COL12A1: variants seen among roughly 807,000 people sequenced by gnomAD.
The protein encoded by COL12A1 is collagen alpha-1(XII) chain.
Under a neutral mutation model 349.7 loss-of-function variants are expected in COL12A1, and 114 were observed. The ratio of observed to expected loss-of-function variants is 0.33; its 90% CI spans 0.28 to 0.38. The LOEUF is 0.38. Ranked by LOEUF, COL12A1 falls within the 10% of genes least tolerant of loss-of-function variation. The pLI is 1.00. For missense variants in COL12A1, 3,284 were observed against 3,756.9 expected (o/e 0.87, Z 3.29); for synonymous variants, 1,369 against 1,329.0 (o/e 1.03, Z -0.66).
intron 47 of COL12A1, among the ~76,000 whole-genome samples, chr6:75,117,099 T>C (rs1205308397): frequency 6.6e-6 from 1 of 152,148 alleles, no homozygotes; most frequent in Non-Finnish European, 1.5e-5. Flanking sequence ...GAGGCTGAGA[T>C]TAATTTAACC....
intron 57 of COL12A1, 128 bp from the exon 58 acceptor site, chr6:75,101,781 A>G: frequency 8.9e-7 from 1 of 1,118,412 alleles, no homozygotes; most frequent in East Asian, 2.4e-5. Flanking sequence ...AACAGAGCCA[A>G]GCACATTGCC....
At chr6:75,193,142 A>G (rs1238695997) in intron 3 of COL12A1, among the ~76,000 whole-genome samples, 3 of 152,140 alleles carry the variant, frequency 2.0e-5, no homozygotes, top group African/African-American at 4.8e-5. Flanking sequence ...TAGAACATGC[A>G]AAACCAACCA....
intron 34 of COL12A1, 113 bp from the exon 35 acceptor site, chr6:75,132,195 A>T (rs1468797145): frequency 7.7e-7 from 1 of 1,306,236 alleles, no homozygotes; most frequent in Non-Finnish European, 1.0e-6. Context: ...TATCTTCTTT[A>T]TACTTCTAAT....
intron 11 of COL12A1, among the ~76,000 whole-genome samples, chr6:75,179,887 A>G (rs1166814400): frequency 6.6e-6 from 1 of 152,266 alleles, no homozygotes; most frequent in Non-Finnish European, 1.5e-5. Flanking sequence ...AGTAAGGAGT[A>G]CACATGTAAA....
At chr6:75,165,412 A>G in intron 14 of COL12A1, 95 bp downstream of exon 14, 1 of 1,469,256 alleles carries the variant, frequency 6.8e-7, no homozygotes. Flanking sequence ...TCATGTAAAG[A>G]AAAAACATTC....
At chr6:75,167,914 C>T (rs1053467323) in intron 13 of COL12A1, among the ~76,000 whole-genome samples, 7 of 152,122 alleles carry the variant, frequency 4.6e-5, no homozygotes, top group Admixed American at 4.6e-4. Flanking sequence ...TAAAAATCAA[C>T]TAAAAAATAT....
At chr6:75,113,772 A>G (rs750720638) in intron 49 of COL12A1, 28 bp from the exon 50 acceptor site, 3 of 1,510,612 alleles carry the variant, frequency 2.0e-6, no homozygotes, top group Non-Finnish European at 2.7e-6. Flanking sequence ...AGAAAGAAAA[A>G]GGAGAGGAAA....
At chr6:75,191,886 C>A in intron 4 of COL12A1, 126 bp from the exon 5 acceptor site, 1 of 522,294 alleles carries the variant, frequency 1.9e-6, no homozygotes, top group South Asian at 5.3e-5. Flanking sequence ...CCCAGCTGGT[C>A]ATAGAATACT....
chr6:75,154,268 G>T, intron 17 of COL12A1, 148 bp downstream of exon 17: 1 of 886,798 alleles, frequency 1.1e-6, no homozygotes, highest in Non-Finnish European at 1.6e-6. Context: ...GATGTTTGAA[G>T]AATTTTTTTG....
intron 1 of COL12A1, among the ~76,000 whole-genome samples, chr6:75,203,396 GCTAA>G (rs1472172508): frequency 3.9e-4 from 60 of 152,136 alleles, no homozygotes; most frequent in African/African-American, 1.3e-3. Context: ...TGACCCTCCT[GCTAA>G]CTGTGTTGTT....
At position 75,089,186 on chromosome 6, in the gene COL12A1, GA is replaced by G; in HGVS notation, c.8942-13del. On this transcript the variant is annotated splice_polypyrimidine_tract_variant and intron_variant, in intron 63 of 65. Transcript: ENST00000322507. ...CTCTCCTGGCAAACCTAAGGAGGGA[GA>G]AAAAGAGAAAGCACAGGGGAAAAAT... 6.3e-7 allele frequency: 1 copy of G among 1,589,866 alleles called. No homozygotes were observed.
At position 75,165,710 on chromosome 6, in the gene COL12A1, G is replaced by A; in HGVS notation, c.2780C>T (p.Ser927Phe). 1 of 1,613,984 alleles carries A rather than the reference G, an allele frequency of 6.2e-7. No homozygotes were observed. The highest frequency in any genetic ancestry group is 8.5e-7 in the Non-Finnish European group (1 of 1,179,914). ...TDTSIGAYWT[S>F]APGMVRGYRV... The stretch of plus-strand genomic sequence containing the variant: ...GTAACCGCGAACCATTCCTGGAGCA[G>A]ATGTCCAATAAGCCCCAATTGATGT... The change falls in exon 14 of 66, where the codon TCT becomes TTT. Residue 927 changes from serine to phenylalanine, a missense_variant. Transcript: ENST00000322507.
At chr6:75,183,782 C>T (rs1769461593) in intron 9 of COL12A1, 72 bp downstream of exon 9, 1 of 1,569,352 alleles carries the variant, frequency 6.4e-7, no homozygotes. Flanking sequence ...AAAACTAAGT[C>T]CAAACAAGTA....
chr6:75,102,178 C>A, intron 56 of COL12A1, 126 bp from the exon 57 acceptor site: 1 of 862,620 alleles, frequency 1.2e-6, no homozygotes. Flanking sequence ...AGAATGAGCA[C>A]AGAAGGGTAT....
At chr6:75,203,885 G>A (rs1266258259) in intron 1 of COL12A1, among the ~76,000 whole-genome samples, 1 of 152,304 alleles carries the variant, frequency 6.6e-6, no homozygotes, top group East Asian at 1.9e-4. Flanking sequence ...TAGGCCTCAG[G>A]AAAAATGGAG....
chr6:75,184,810 C>T (rs1405026254), intron 8 of COL12A1, among the ~76,000 whole-genome samples: 1 of 152,148 alleles, frequency 6.6e-6, no homozygotes, highest in Non-Finnish European at 1.5e-5. Flanking sequence ...AGAACATAGT[C>T]ATGTATTTGA....
intron 12 of COL12A1, among the ~76,000 whole-genome samples, chr6:75,175,836 C>T (rs982946824): frequency 2.6e-5 from 4 of 152,188 alleles, no homozygotes; most frequent in South Asian, 2.1e-4. Flanking sequence ...TAAGTGAGAC[C>T]GAGCCTTGGG....
intron 52 of COL12A1, among the ~76,000 whole-genome samples, chr6:75,106,896 T>G: frequency 8.0e-6 from 1 of 124,814 alleles, no homozygotes; most frequent in South Asian, 2.7e-4. Context: ...CTTTTTTCTT[T>G]TTCTTTTTTT....
chr6:75,130,364 A>T lies in COL12A1; in HGVS notation c.6068-131T>A, dbSNP rs56978817. ...TTTCCTCCCATATAATAAAATATAC[A>T]TTTATGGTTTTAATGTGAAATCATA... On this transcript the variant is annotated intron_variant, in intron 36 of 65. Coordinates refer to ENST00000322507, the MANE Select transcript of COL12A1 (RefSeq NM_004370.6). The T allele has an allele frequency of 1.0e-3, 937 of 916,668 alleles. 7 individuals are homozygous for T. In the African/African-American group the frequency reaches 0.014, roughly 14 times the overall value. 56.8% of individuals were successfully genotyped at this position (916,668 alleles called of 1,614,324 possible).
Sources: allele counts gnomAD v4.1 joint callset (sites outside exome capture counted in the v4.1 genomes callset), GRCh38; gene constraint gnomAD v4.1.1; transcripts MANE v1.5; gene names NCBI Gene and HGNC (gene_info 2026-07-23, HGNC 2026-07-21).